The following FRMPD2 variants were observed in gnomAD, a reference collection of about 807,000 sequenced individuals.
FRMPD2 encodes the protein FERM and PDZ domain containing 2.
In FRMPD2, 96 loss-of-function variants were observed where a neutral mutation model predicts 140.1. That is an observed-to-expected ratio of 0.69 (90% confidence interval 0.58 to 0.81). The LOEUF is 0.81. Among genes scored for constraint, FRMPD2 ranks in the 40% least tolerant of loss-of-function variants. FRMPD2 has a pLI of 0.00. For synonymous variants in FRMPD2, 449 were observed against 547.6 expected, an observed-to-expected ratio of 0.82 and a Z score of 2.52; for missense variants, 1,240 against 1,447.4, an observed-to-expected ratio of 0.86 and a Z score of 2.32.
At chr10:48,257,053 C>T (rs929516395) in intron 1 of FRMPD2, among the ~76,000 whole-genome samples, 6 of 152,126 alleles carry the variant, frequency 3.9e-5, no homozygotes, top group Admixed American at 1.3e-4. Flanking sequence ...CAGGCTCTGA[C>T]GGAGAATCCT....
chr10:48,184,633 G>C lies in FRMPD2; in HGVS notation c.2517C>G (p.Phe839Leu). The change falls in exon 20 of 29, where the codon TTC becomes TTG. Residue 839 changes from phenylalanine (F) to leucine (L), a missense_variant. This residue lies in a region of FRMPD2 where 1,161 missense variants were observed against 1,055.9 expected (regional missense o/e 1.10). Transcript: ENST00000374201. ...LNHISLEGFT[F>L]NMAVRMIQNS... Reference sequence around the variant, plus strand: ...TCTGGATCATCCTAACAGCCATGTTGAATGTGAAGCCCTCCAGACTGATGT... The same window carrying C: ...TCTGGATCATCCTAACAGCCATGTTCAATGTGAAGCCCTCCAGACTGATGT... 6.2e-7 allele frequency: 1 copy of C among 1,613,704 alleles called. No homozygotes were observed. Among genetic ancestry groups the C allele is most frequent in the Non-Finnish European group, 8.5e-7 (1 of 1,179,618 alleles).
In FRMPD2 at chr10:48,251,561, C is replaced by G; in HGVS notation, c.151+5G>C. The G allele has an allele frequency of 6.2e-7, 1 of 1,612,822 alleles. No individual in the cohort carries two copies. The highest frequency in any genetic ancestry group is 8.5e-7 in the Non-Finnish European group (1 of 1,179,988). ...TGATTTGACTGCCCCCAAACACTCTCTTACCGTTGCGGAGGTCTTCCAGGA... is the reference window on the plus strand; with the variant it reads ...TGATTTGACTGCCCCCAAACACTCTGTTACCGTTGCGGAGGTCTTCCAGGA... On this transcript the variant is annotated splice_donor_5th_base_variant and intron_variant, in intron 2 of 28. Transcript: ENST00000374201.
At chr10:48,246,286 G>C (rs1840246897) in intron 3 of FRMPD2, among the ~76,000 whole-genome samples, 1 of 152,232 alleles carries the variant, frequency 6.6e-6, no homozygotes. Flanking sequence ...CAGAGCTCCA[G>C]CATCCTGAGC....
chr10:48,181,969 GTTA>G (rs964794270), intron 20 of FRMPD2, among the ~76,000 whole-genome samples: 15 of 149,746 alleles, frequency 1.0e-4, no homozygotes, highest in Non-Finnish European at 2.2e-4. Context: ...CTGTTAACAT[GTTA>G]TTATTAGCTG....
intron 10 of FRMPD2, among the ~76,000 whole-genome samples, chr10:48,231,193 G>A (rs1352596746): frequency 6.6e-6 from 1 of 152,220 alleles, no homozygotes; most frequent in Non-Finnish European, 1.5e-5. Context: ...TCAAAAGGGA[G>A]AAATGTAAAC....
intron 20 of FRMPD2, among the ~76,000 whole-genome samples, chr10:48,184,074 C>T (rs1381064932): frequency 6.6e-6 from 1 of 151,998 alleles, no homozygotes; most frequent in East Asian, 1.9e-4. Flanking sequence ...CACGAGTTTG[C>T]CTGTAATAAC....
At chr10:48,223,828 T>C (rs1839664650) in intron 10 of FRMPD2, among the ~76,000 whole-genome samples, 1 of 152,114 alleles carries the variant, frequency 6.6e-6, no homozygotes, top group Admixed American at 6.5e-5. Context: ...AGCATCCTTA[T>C]AACAGGAGGA....
chr10:48,198,775 C>A, intron 15 of FRMPD2, among the ~76,000 whole-genome samples: 1 of 152,118 alleles, frequency 6.6e-6, no homozygotes, highest in Non-Finnish European at 1.5e-5. Context: ...TTGTAGTTCT[C>A]TTTGTAGAGA....
At chr10:48,257,827 G>C (rs1488358088) in intron 1 of FRMPD2, among the ~76,000 whole-genome samples, 1 of 152,192 alleles carries the variant, frequency 6.6e-6, no homozygotes, top group Non-Finnish European at 1.5e-5. Flanking sequence ...AAGGTGATGA[G>C]CACATCATAT....
chr10:48,242,651 G>T (rs1840149839), intron 4 of FRMPD2, among the ~76,000 whole-genome samples: 1 of 152,222 alleles, frequency 6.6e-6, no homozygotes, highest in Non-Finnish European at 1.5e-5. Flanking sequence ...TTGACAAGAT[G>T]GATTTCCACC....
At chr10:48,241,312 T>C (rs1243651744) in intron 5 of FRMPD2, among the ~76,000 whole-genome samples, 1 of 152,196 alleles carries the variant, frequency 6.6e-6, no homozygotes, top group Non-Finnish European at 1.5e-5. Context: ...CCTGGACAAG[T>C]GCAGCCACTC....
chr10:48,267,731 G>A (rs1273023151), intron 1 of FRMPD2, among the ~76,000 whole-genome samples: 1 of 152,084 alleles, frequency 6.6e-6, no homozygotes, highest in East Asian at 1.9e-4. Context: ...ACCAAAAAGT[G>A]GAAACAACTC....
chr10:48,180,442 C>A (rs1349852088), intron 21 of FRMPD2, among the ~76,000 whole-genome samples: 4 of 152,168 alleles, frequency 2.6e-5, no homozygotes, highest in African/African-American at 9.7e-5. Context: ...AATTCAAGGA[C>A]AAGAATAGGA....
intron 1 of FRMPD2, among the ~76,000 whole-genome samples, chr10:48,258,097 C>A (rs1288778066): frequency 6.6e-6 from 1 of 152,242 alleles, no homozygotes; most frequent in Non-Finnish European, 1.5e-5. Flanking sequence ...CTTTTCCTCT[C>A]TTCTCCTTTT....
intron 22 of FRMPD2, chr10:48,177,693 A>G (rs566532792): frequency 4.7e-4 from 96 of 202,314 alleles, no homozygotes; most frequent in Non-Finnish European, 7.8e-4. Flanking sequence ...GCCAGATGAC[A>G]GTGGACTGCC....
chr10:48,226,979 C>T (rs564836795), intron 10 of FRMPD2, among the ~76,000 whole-genome samples: 1 of 152,170 alleles, frequency 6.6e-6, no homozygotes, highest in Admixed American at 6.5e-5. Flanking sequence ...CTGGACACCC[C>T]ACTCACTCCA....
chr10:48,241,530 A>G (rs539730774), intron 5 of FRMPD2, among the ~76,000 whole-genome samples: 1 of 152,318 alleles, frequency 6.6e-6, no homozygotes, highest in East Asian at 1.9e-4. Flanking sequence ...TCAACTTGTC[A>G]GCTGTACTAC....
chr10:48,244,778 A>G lies in FRMPD2; in HGVS notation c.375+6T>C, dbSNP rs754203575. ...CGGCAAGACTTGGAGTATCTTGTTTACAAACCTGATGTGGCGGAACATGAA... is the reference window on the plus strand; with the variant it reads ...CGGCAAGACTTGGAGTATCTTGTTTGCAAACCTGATGTGGCGGAACATGAA... On this transcript the variant is annotated splice_donor_region_variant and intron_variant, in intron 4 of 28. Coordinates refer to ENST00000374201, the MANE Select transcript of FRMPD2 (RefSeq NM_001018071.4). 2 of 1,610,290 alleles carry G rather than the reference A, an allele frequency of 1.2e-6. No homozygotes were observed. The highest frequency in any genetic ancestry group is 4.5e-5 in the East Asian group (2 of 44,866).
chr10:48,249,291 G>A, intron 2 of FRMPD2, 113 bp from the exon 3 acceptor site: 1 of 939,990 alleles, frequency 1.1e-6, no homozygotes, highest in Non-Finnish European at 1.6e-6. Flanking sequence ...CTGAATGTGA[G>A]CAAGACCCAG....
Sources: allele counts gnomAD v4.1 joint callset (sites outside exome capture counted in the v4.1 genomes callset), GRCh38; gene constraint gnomAD v4.1.1; regional missense constraint gnomAD v4.1.1; transcripts MANE v1.5; gene names NCBI Gene and HGNC (gene_info 2026-07-23, HGNC 2026-07-21).